PRDM2: variants seen among roughly 807,000 people sequenced by gnomAD.
The protein encoded by PRDM2 is PR domain zinc finger protein 2.
PRDM2 carries 30 observed loss-of-function variants against 130.0 expected under a neutral mutation model. That is an observed-to-expected ratio of 0.23 (90% CI 0.17 to 0.31). The LOEUF is 0.31. Among genes scored for constraint, PRDM2 ranks in the 10% least tolerant of loss-of-function variants. The pLI is 1.00. For missense variants in PRDM2, 2,011 were observed against 2,108.4 expected, an observed-to-expected ratio of 0.95 and a Z score of 0.90; for synonymous variants, 871 against 782.4, an observed-to-expected ratio of 1.11 and a Z score of -1.89.
At chr1:13,822,995 T>A (rs1189922640) in intron 9 of PRDM2, among the ~76,000 whole-genome samples, 164 bp from the exon 10 acceptor site, 8 of 152,204 alleles carry the variant, frequency 5.3e-5, no homozygotes, top group Admixed American at 5.2e-4. Flanking sequence ...GCTCTGCAGG[T>A]GTATTCACTG....
At chr1:13,818,116 A>G (rs909901880) in intron 9 of PRDM2, among the ~76,000 whole-genome samples, 1 of 152,208 alleles carries the variant, frequency 6.6e-6, no homozygotes, top group Non-Finnish European at 1.5e-5. Context: ...TTGATGGCAC[A>G]GGCCCATCCT....
chr1:13,820,983 A>G (rs1053475177), intron 9 of PRDM2, among the ~76,000 whole-genome samples: 2 of 152,112 alleles, frequency 1.3e-5, no homozygotes, highest in African/African-American at 2.4e-5. Context: ...TCCTCTGGGA[A>G]GGGATGCCTC....
chr1:13,717,266 C>T (rs1027115527), intron 2 of PRDM2, among the ~76,000 whole-genome samples: 2 of 152,112 alleles, frequency 1.3e-5, no homozygotes, highest in Admixed American at 6.5e-5. Flanking sequence ...TCACAGTCAT[C>T]GTCCATCAAA....
At chr1:13,705,686 T>C (rs1453032207) in intron 1 of PRDM2, 1 of 152,196 alleles carries the variant, frequency 6.6e-6, no homozygotes, top group Non-Finnish European at 1.5e-5. Flanking sequence ...TTAGAGTCAG[T>C]AAAATGGAGC....
intron 8 of PRDM2, among the ~76,000 whole-genome samples, chr1:13,812,397 G>A (rs548803800): frequency 6.6e-6 from 1 of 152,306 alleles, no homozygotes; most frequent in South Asian, 2.1e-4. Context: ...TCAAATGTGT[G>A]TGGTTTCTAG....
chr1:13,823,119 G>A (rs1375430291), intron 9 of PRDM2, 40 bp from the exon 10 acceptor site: 2 of 1,577,354 alleles, frequency 1.3e-6, no homozygotes, highest in Admixed American at 3.6e-5. Context: ...CACTGAATGT[G>A]TGCTTACTGT....
At chr1:13,788,476 T>G (rs979932) in intron 8 of PRDM2, among the ~76,000 whole-genome samples, 1 of 152,070 alleles carries the variant, frequency 6.6e-6, no homozygotes, top group Non-Finnish European at 1.5e-5. Context: ...GTGAAATTGC[T>G]GGGGTTTTTT....
At chr1:13,819,302 G>T (rs1038597168) in intron 9 of PRDM2, among the ~76,000 whole-genome samples, 8 of 152,194 alleles carry the variant, frequency 5.3e-5, no homozygotes, top group African/African-American at 1.9e-4. Flanking sequence ...CTCTGCCCCA[G>T]CACCAAGCAC....
chr1:13,787,239 T>G (rs1644760549), intron 8 of PRDM2: 1 of 983,554 alleles, frequency 1.0e-6, no homozygotes, highest in Non-Finnish European at 1.2e-6. Flanking sequence ...AGAGACTATG[T>G]AGCAATATAT....
At chr1:13,783,334 T>A in intron 8 of PRDM2, 1 of 364,740 alleles carries the variant, frequency 2.7e-6, no homozygotes, top group South Asian at 2.1e-5. Flanking sequence ...TTTTAATAAT[T>A]GATTGCATCG....
At position 13,778,968 on chromosome 1, in the gene PRDM2, A is replaced by C; in HGVS notation, c.1173A>C (p.Lys391Asn). The change falls in exon 8 of 10, where the codon AAA becomes AAC. Residue 391 changes from lysine to asparagine, a missense_variant. Physicochemically the swap from Lys to Asn is moderately conservative, Grantham distance 94 (BLOSUM62 0). This residue lies in a region of PRDM2 where 1,288 missense variants were observed against 1,237.7 expected (regional missense o/e 1.04). Coordinates refer to ENST00000311066, the MANE Select transcript of PRDM2 (RefSeq NM_001393986.1). ...TATCCACCGTCAATCATGCTTTCAA[A>C]TGCAAGTACTGTGGGAAAGCCTTTG... ...IHISTVNHAF[K>N]CKYCGKAFGT... is the part of the protein sequence containing the mutation. The C allele has an allele frequency of 6.2e-7, 1 of 1,614,242 alleles. No homozygotes were observed. The highest frequency in any genetic ancestry group is 2.2e-5 in the East Asian group (1 of 44,894).
At chr1:13,819,708 C>T (rs532233388) in intron 9 of PRDM2, among the ~76,000 whole-genome samples, 1 of 152,364 alleles carries the variant, frequency 6.6e-6, no homozygotes, top group African/African-American at 2.4e-5. Context: ...CAGGGTGCCA[C>T]CATAGCCAGG....
Position 13,806,230 on chromosome 1 carries a change from C to A in PRDM2, c.5037-10197C>A, listed in dbSNP as rs1041004150. Among the ~76,000 whole-genome samples, 4 of 140,924 alleles carry A rather than the reference C, an allele frequency of 2.8e-5. No individual in the cohort carries two copies. Among genetic ancestry groups the A allele is most frequent in the African/African-American group, 1.1e-4 (4 of 35,216 alleles). The allele number at this position is 140,924 out of a possible 152,430, so 92.5% of individuals were successfully genotyped here. A position where few individuals can be genotyped will look rare whatever the true frequency, so the allele number is the denominator to read the frequency against. The stretch of plus-strand genomic sequence containing the variant: ...CTCTGCACATTACCAGCTGCTCCCC[C>A]GCATCCCGCCTCCATCCCTGGGCTC... On this transcript the variant is annotated intron_variant, in intron 8 of 9. Coordinates refer to ENST00000311066, the MANE Select transcript of PRDM2 (RefSeq NM_001393986.1). This position sits in a 1 kb window ranked among gnomAD's most constrained non-coding sequence, Gnocchi z 4.1.
At chr1:13,770,382 T>C (rs1325672447) in intron 6 of PRDM2, 1 of 458,100 alleles carries the variant, frequency 2.2e-6, no homozygotes, top group Admixed American at 2.4e-5. Flanking sequence ...ATTAAGATTG[T>C]ACTTCCTTTT....
chr1:13,774,349 A>G (rs1467425016), intron 7 of PRDM2, among the ~76,000 whole-genome samples: 1 of 152,108 alleles, frequency 6.6e-6, no homozygotes, highest in African/African-American at 2.4e-5. Flanking sequence ...CAGGTTTGTG[A>G]CTCTTTTAAG....
intron 8 of PRDM2, among the ~76,000 whole-genome samples, chr1:13,809,221 A>C (rs988823899): frequency 3.3e-5 from 5 of 152,208 alleles, no homozygotes; most frequent in Non-Finnish European, 7.3e-5. Flanking sequence ...AGGTTGCAGC[A>C]GGGGCGTGTC....
chr1:13,768,950 A>G (rs1289993243), intron 6 of PRDM2: 1 of 172,380 alleles, frequency 5.8e-6, no homozygotes, highest in Non-Finnish European at 1.2e-5. Context: ...GCATGTGAGC[A>G]CCTTGATGCA....
intron 6 of PRDM2, among the ~76,000 whole-genome samples, chr1:13,770,563 C>T (rs1177385777): frequency 1.3e-5 from 2 of 151,504 alleles, no homozygotes; most frequent in African/African-American, 2.4e-5. Context: ...AAATTGACAT[C>T]GGTTTTTCTA....
At chr1:13,751,113 TTTTG>T (rs1184071828) in intron 6 of PRDM2, among the ~76,000 whole-genome samples, 16 of 152,244 alleles carry the variant, frequency 1.1e-4, no homozygotes, top group African/African-American at 3.4e-4. Context: ...TCTTTTGCTT[TTTTG>T]TTTATCTGTT....
Sources: gnomAD v4.1 joint callset for allele counts (sites outside exome capture counted in the v4.1 genomes callset) on GRCh38, gnomAD v4.1.1 for gene constraint, gnomAD v4.1.1 regional missense constraint, Gnocchi (gnomAD v3.1) non-coding constraint, MANE v1.5 for transcripts, NCBI Gene and HGNC (gene_info 2026-07-23, HGNC 2026-07-21) for gene names.